The following FAM193B variants were observed in gnomAD, a reference collection of about 807,000 sequenced individuals.
FAM193B encodes the protein protein FAM193B.
In FAM193B, 27 loss-of-function variants were observed where a neutral mutation model predicts 70.7. The observed-to-expected ratio is 0.38, with a 90% CI of 0.28 to 0.53. The LOEUF is 0.53. FAM193B is among the 20% of genes least tolerant of loss of function. FAM193B has a pLI of 0.81. For synonymous variants in FAM193B, 448 were observed against 436.0 expected (o/e 1.03, Z -0.34); for missense variants, 1,022 against 1,072.5 (o/e 0.95, Z 0.66).
chr5:177,549,052 G>A (rs1218573493), intron 1 of FAM193B, among the ~76,000 whole-genome samples: 1 of 152,032 alleles, frequency 6.6e-6, no homozygotes. Context: ...AGCATTCTCT[G>A]ACCCATCTTC....
chr5:177,551,135 G>C (rs570087997), intron 1 of FAM193B, among the ~76,000 whole-genome samples: 1 of 152,208 alleles, frequency 6.6e-6, no homozygotes, highest in South Asian at 2.1e-4. Flanking sequence ...AAGGCCTCTT[G>C]TGAAGTTCCT....
At position 177,536,652 on chromosome 5, in the gene FAM193B, A is replaced by C; in HGVS notation, c.782T>G (p.Leu261Arg). The C allele has an allele frequency of 6.4e-7, 1 of 1,566,830 alleles. No homozygotes were observed. The highest frequency in any genetic ancestry group is 1.2e-5 in the South Asian group (1 of 84,572). The change falls in exon 4 of 9, where the codon CTA becomes CGA. Residue 261 changes from leucine to arginine, a missense_variant. By Grantham distance (102) the Leu-to-Arg change is moderately radical (BLOSUM62 -2). Transcript: ENST00000514747. ...AAAGGAGCTGGGGTGAGACGGGATT[A>C]GAGATGCTGGCTGCGGGTGGTGGCC... ...PTGHHPQPAS[L>R]IPSHPSSFGS...
At chr5:177,523,914 C>A in intron 7 of FAM193B, 43 bp downstream of exon 7, 1 of 1,597,798 alleles carries the variant, frequency 6.3e-7, no homozygotes, top group Non-Finnish European at 8.6e-7. Context: ...TGGGCAGGAC[C>A]TGGAGTCCTC....
At chr5:177,526,782 A>G (rs1012949574) in intron 5 of FAM193B, among the ~76,000 whole-genome samples, 1 of 152,214 alleles carries the variant, frequency 6.6e-6, no homozygotes, top group Non-Finnish European at 1.5e-5. Context: ...AGCCAGGACA[A>G]TACACCCAGG....
At chr5:177,547,012 A>C (rs1765511437) in intron 1 of FAM193B, among the ~76,000 whole-genome samples, 1 of 152,184 alleles carries the variant, frequency 6.6e-6, no homozygotes, top group African/African-American at 2.4e-5. Flanking sequence ...GGGACGAGAC[A>C]CACAGTTGTG....
intron 5 of FAM193B, chr5:177,531,824 G>A (rs1763509268): frequency 6.4e-6 from 7 of 1,095,182 alleles, no homozygotes; most frequent in Admixed American, 3.7e-5. Flanking sequence ...GAGTCTTTGT[G>A]AGCCTCAATT....
At chr5:177,553,717 C>T in intron 1 of FAM193B, 1 of 1,287,934 alleles carries the variant, frequency 7.8e-7, no homozygotes, top group Non-Finnish European at 1.0e-6. Context: ...CTCCGGGCAG[C>T]CTGGCTGTCT....
In FAM193B at chr5:177,532,427, G is replaced by C. The variant is rs1262555178; in HGVS notation, c.1275+16C>G. The C allele has an allele frequency of 6.2e-7, 1 of 1,604,950 alleles. No homozygotes were observed. The highest frequency in any genetic ancestry group is 1.7e-5 in the Admixed American group (1 of 58,732). Reference sequence around the variant, plus strand: ...GCTGGCCCCCAGCCCTCTCTAGCCTGGGCAGGCTCACTCACCGCATTGTGG... The same window carrying C: ...GCTGGCCCCCAGCCCTCTCTAGCCTCGGCAGGCTCACTCACCGCATTGTGG... On this transcript the variant is annotated intron_variant, in intron 5 of 8. Transcript: ENST00000514747. This position sits in a 1 kb window ranked among gnomAD's most constrained non-coding sequence, Gnocchi z 4.9.
chr5:177,525,240 GTCAAC>G, intron 5 of FAM193B, 35 bp from the exon 6 acceptor site: 1 of 1,432,120 alleles, frequency 7.0e-7, no homozygotes, highest in African/African-American at 1.5e-5. Context: ...GCAGGAGGCT[GTCAAC>G]TGCCAGGCAC....
chr5:177,546,601 A>C (rs1332008070), intron 1 of FAM193B, among the ~76,000 whole-genome samples: 1 of 152,220 alleles, frequency 6.6e-6, no homozygotes, highest in Non-Finnish European at 1.5e-5. Context: ...GACTATTCTA[A>C]TGCTGACAAT....
intron 1 of FAM193B, among the ~76,000 whole-genome samples, chr5:177,547,474 C>T (rs1022333294): frequency 2.7e-5 from 4 of 150,550 alleles, no homozygotes; most frequent in East Asian, 3.9e-4. Context: ...TTAGTAGAGA[C>T]GGGGTTTCAC....
At position 177,553,587 on chromosome 5, in the gene FAM193B, G is replaced by A. The variant is rs1312000148; in HGVS notation, c.210+662C>T. 5.0e-6 allele frequency: 6 copies of A among 1,195,062 alleles called. No individual in the cohort carries two copies. The East Asian group carries it at 2.5e-4, about 50-fold the overall frequency. The allele number at this position is 1,195,062 out of a possible 1,614,324, so 74.0% of individuals were successfully genotyped here. A position where few individuals can be genotyped will look rare whatever the true frequency, so the allele number is the denominator to read the frequency against. ...GGAATCCTCCTACTGTTCGCTCTCA[G>A]CAGGATTCTCCAAACCTGGGATCTC... On this transcript the variant is annotated intron_variant, in intron 1 of 8. Transcript: ENST00000514747.
At chr5:177,524,151 AG>A in intron 6 of FAM193B, 33 bp downstream of exon 6, 1 of 1,590,892 alleles carries the variant, frequency 6.3e-7, no homozygotes, top group East Asian at 2.3e-5. Context: ...TGGCTGGGGT[AG>A]GGGGTCAGCC....
In FAM193B at chr5:177,554,536, G is replaced by GCCGCCGCCGCCGC. The variant is rs1208467057; in HGVS notation, c.-79_-78insGCGGCGGCGGCGG. On this transcript the variant is annotated 5_prime_UTR_variant, in exon 1 of 9. Transcript: ENST00000514747. ...CGCCGCCGCCGCCGCCGCCGCTACCGCTCCCCTCACAGGACAACAGCCAAT... is the reference window on the plus strand; with the variant it reads ...CGCCGCCGCCGCCGCCGCCGCTACCGCCGCCGCCGCCGCCTCCCCTCACAGGACAACAGCCAAT... The GCCGCCGCCGCCGC allele has an allele frequency of 5.7e-6, 5 of 883,832 alleles. No homozygotes were observed. The highest frequency in any genetic ancestry group is 5.5e-5 in the African/African-American group (3 of 54,674). The allele number at this position is 883,832 out of a possible 1,614,324, so 54.7% of individuals were successfully genotyped here.
Position 177,538,240 on chromosome 5 carries a change from A to C in FAM193B, c.454-133T>G. ...GCCATAGCAAAAACACAATTAATAC[A>C]ACTCCAGCTATAAGAACAAATGAGG... On this transcript the variant is annotated intron_variant, in intron 2 of 8. Transcript: ENST00000514747. This position sits in a 1 kb window ranked among gnomAD's most constrained non-coding sequence, Gnocchi z 4.1. 2.3e-6 allele frequency: 2 copies of C among 886,674 alleles called. No individual in the cohort carries two copies. Among genetic ancestry groups the C allele is most frequent in the Non-Finnish European group, 3.3e-6 (2 of 598,332 alleles). The allele number at this position is 886,674 out of a possible 1,614,324, so 54.9% of individuals were successfully genotyped here.
intron 1 of FAM193B, chr5:177,553,664 C>G (rs947550124): frequency 7.8e-7 from 1 of 1,282,896 alleles, no homozygotes; most frequent in African/African-American, 1.5e-5. Flanking sequence ...AGGGCAGGTT[C>G]TGCTGGGTTT....
chr5:177,554,010 G>A, intron 1 of FAM193B: 4 of 1,305,860 alleles, frequency 3.1e-6, no homozygotes, highest in Non-Finnish European at 3.9e-6. Flanking sequence ...CCCGGAGGCG[G>A]CGGGGAGAGG....
Position 177,538,757 on chromosome 5 carries a change from G to T in FAM193B, c.453+148C>A. On this transcript the variant is annotated intron_variant, in intron 2 of 8. Transcript: ENST00000514747. This position sits in a 1 kb window ranked among gnomAD's most constrained non-coding sequence, Gnocchi z 4.1. ...CTTCCCCCAAATCTGAACTTGAGCT[G>T]CCAATGCTGTGCCAGTGCAGCCCAG... The T allele has an allele frequency of 9.3e-7, 1 of 1,080,854 alleles. No individual in the cohort carries two copies. The highest frequency in any genetic ancestry group is 1.6e-5 in the African/African-American group (1 of 63,122). 67.0% of individuals were successfully genotyped at this position (1,080,854 alleles called of 1,614,324 possible).
intron 3 of FAM193B, among the ~76,000 whole-genome samples, chr5:177,537,534 T>C (rs1055284493): frequency 2.6e-5 from 4 of 152,244 alleles, no homozygotes; most frequent in African/African-American, 9.6e-5. Flanking sequence ...CCAGGTCCTC[T>C]GTGGTGCTGC....
Sources: gnomAD v4.1 joint callset for allele counts (sites outside exome capture counted in the v4.1 genomes callset) on GRCh38, gnomAD v4.1.1 for gene constraint, Gnocchi (gnomAD v3.1) non-coding constraint, MANE v1.5 for transcripts, NCBI Gene and HGNC (gene_info 2026-07-23, HGNC 2026-07-21) for gene names.